CFAP47: variants seen among roughly 807,000 people sequenced by gnomAD.
CFAP47 encodes the protein cilia- and flagella-associated protein 47.
In CFAP47, 29 loss-of-function variants were observed where a neutral mutation model predicts 148.1. That is an observed-to-expected ratio of 0.20 (90% CI 0.15 to 0.27). CFAP47 has a LOEUF of 0.27. Among genes scored for constraint, CFAP47 ranks in the 10% least tolerant of loss-of-function variants. The pLI, the probability that CFAP47 is intolerant of heterozygous loss-of-function variation, is 1.00. For missense variants in CFAP47, 1,872 were observed against 1,697.5 expected (o/e 1.10, Z -1.81); for synonymous variants, 664 against 577.3 (o/e 1.15, Z -2.15).
At chrX:36,116,744 CACAA>C (rs1938647732) in intron 33 of CFAP47, among the ~76,000 whole-genome samples, 2 of 111,939 alleles carry the variant, frequency 1.8e-5, no homozygotes, top group Non-Finnish European at 3.8e-5. Context: ...TCCATTGTGT[CACAA>C]ACAATCCAAT....
intron 33 of CFAP47, among the ~76,000 whole-genome samples, chrX:36,125,468 G>T (rs1938819392): frequency 1.8e-5 from 2 of 110,023 alleles, no homozygotes; most frequent in African/African-American, 6.7e-5. Flanking sequence ...GGAATTCTTG[G>T]TTGATTATTG....
chrX:35,969,303 G>A (rs1438489873), intron 10 of CFAP47, among the ~76,000 whole-genome samples: 2 of 111,081 alleles, frequency 1.8e-5, no homozygotes, highest in Non-Finnish European at 3.8e-5. Flanking sequence ...TCATTTTAAT[G>A]CATTTTACCT....
In CFAP47 at chrX:36,100,940, C is replaced by T. The variant is rs571880360; in HGVS notation, c.5127+1061C>T. ...CTGCTGGGGCCCAGGAGTCCAGGGC[C>T]CTCATGTTGCCCCCTGGCAGTCTGA... On this transcript the variant is annotated intron_variant, in intron 32 of 63. Coordinates refer to ENST00000378653, the MANE Select transcript of CFAP47 (RefSeq NM_001304548.2). 2.8e-4 allele frequency among the ~76,000 whole-genome samples: 31 copies of T among 110,645 alleles called. 1 individual carries two copies. In the East Asian group the frequency reaches 9.0e-3, roughly 32 times the overall value.
At chrX:36,286,721 C>T (rs141918383) in intron 51 of CFAP47, among the ~76,000 whole-genome samples, 41 of 110,954 alleles carry the variant, frequency 3.7e-4, no homozygotes, top group African/African-American at 7.2e-4. Flanking sequence ...TTTATCAAGA[C>T]GTAGAGAAAA....
intron 57 of CFAP47, among the ~76,000 whole-genome samples, chrX:36,346,938 G>C (rs1941702637): frequency 8.9e-6 from 1 of 112,065 alleles, no homozygotes; most frequent in Admixed American, 9.5e-5. Context: ...ATTGACAAAT[G>C]GGATGTAATT....
At chrX:36,310,448 T>C (rs1048331729) in intron 55 of CFAP47, among the ~76,000 whole-genome samples, 15 of 109,799 alleles carry the variant, frequency 1.4e-4, no homozygotes, top group Non-Finnish European at 2.5e-4. Context: ...TGAATTTCAT[T>C]TGAAATTCAC....
intron 35 of CFAP47, 114 bp from the exon 36 acceptor site, chrX:36,145,105 G>A (rs12006706): frequency 0.056 from 17,920 of 321,434 alleles, 1,466 homozygotes; most frequent in African/African-American, 0.31. Context: ...GTGTGTGTGT[G>A]TGTGTATGTG....
intron 57 of CFAP47, among the ~76,000 whole-genome samples, chrX:36,334,761 T>G (rs898767038): frequency 1.8e-5 from 2 of 111,026 alleles, no homozygotes; most frequent in Admixed American, 9.7e-5. Flanking sequence ...CAGCCTGAAA[T>G]AGTTTTTCAC....
intron 45 of CFAP47, among the ~76,000 whole-genome samples, chrX:36,216,963 G>A (rs1284342085): frequency 9.1e-6 from 1 of 109,313 alleles, no homozygotes; most frequent in South Asian, 3.9e-4. Context: ...GTTCCGTAAA[G>A]GCAGTCTTGT....
intron 57 of CFAP47, among the ~76,000 whole-genome samples, chrX:36,324,853 A>T (rs1357334007): frequency 8.9e-6 from 1 of 111,741 alleles, no homozygotes. Context: ...ATTCCTAAAC[A>T]AATGGTTTTA....
At chrX:36,261,119 A>C (rs1602075541) in intron 49 of CFAP47, among the ~76,000 whole-genome samples, 1 of 79,745 alleles carries the variant, frequency 1.3e-5, no homozygotes, top group African/African-American at 6.9e-5. Flanking sequence ...CTTGTAGTAT[A>C]GTTTCTTTTT....
chrX:36,346,236 T>TA (rs782108747), intron 57 of CFAP47, among the ~76,000 whole-genome samples: 96 of 110,871 alleles, frequency 8.7e-4, no homozygotes, highest in African/African-American at 3.1e-3. Context: ...TGTTTTTTTT[T>TA]AAATACATTC....
chrX:36,148,489 T>C (rs924400856), intron 36 of CFAP47, among the ~76,000 whole-genome samples: 1 of 111,685 alleles, frequency 9.0e-6, no homozygotes, highest in Admixed American at 9.5e-5. Context: ...GAATCTCCAT[T>C]ATATTTTACA....
chrX:36,181,867 A>T (rs1449947323), intron 40 of CFAP47, among the ~76,000 whole-genome samples: 1 of 112,732 alleles, frequency 8.9e-6, no homozygotes, highest in African/African-American at 3.2e-5. Context: ...GGGCTTGTCA[A>T]TTAATGCAAG....
At chrX:36,098,903 C>A (rs1178667478) in intron 31 of CFAP47, 29 bp downstream of exon 31, 4 of 869,169 alleles carry the variant, frequency 4.6e-6, no homozygotes, top group Non-Finnish European at 6.6e-6. Context: ...TTGGAACAAA[C>A]CACACAGTTA....
Position 36,215,775 on chromosome X carries a change from G to A in CFAP47, c.6817+10665G>A, listed in dbSNP as rs1284776419. 7.2e-5 allele frequency among the ~76,000 whole-genome samples: 8 copies of A among 111,516 alleles called. No homozygotes were observed. The East Asian group carries it at 2.0e-3, about 28-fold the overall frequency. On this transcript the variant is annotated intron_variant, in intron 45 of 63. Coordinates refer to ENST00000378653, the MANE Select transcript of CFAP47 (RefSeq NM_001304548.2). ...GAAGGCAGCTGGTGCTTACCTTAGA[G>A]CATTAGGTCATAGGGTAAATACTAG...
intron 33 of CFAP47, among the ~76,000 whole-genome samples, chrX:36,109,882 A>G (rs1167813062): frequency 1.8e-5 from 2 of 112,094 alleles, no homozygotes; most frequent in South Asian, 7.4e-4. Context: ...CTTTATTCAT[A>G]TGCTTCTAGG....
intron 21 of CFAP47, among the ~76,000 whole-genome samples, chrX:36,006,817 CTTCCTATATGGTA>C (rs1339996558): frequency 8.9e-6 from 1 of 111,950 alleles, no homozygotes; most frequent in African/African-American, 3.2e-5. Flanking sequence ...TGGAATTGTA[CTTCCTATATGGTA>C]GTCAGTACCT....
chrX:36,203,525 T>C (rs1940005214), intron 44 of CFAP47, among the ~76,000 whole-genome samples: 1 of 112,059 alleles, frequency 8.9e-6, no homozygotes, highest in African/African-American at 3.2e-5. Context: ...GTGTTTATTA[T>C]TACATTTAAT....
Sources: allele counts gnomAD v4.1 joint callset (sites outside exome capture counted in the v4.1 genomes callset), GRCh38; gene constraint gnomAD v4.1.1; transcripts MANE v1.5; gene names NCBI Gene and HGNC (gene_info 2026-07-23, HGNC 2026-07-21).